NEO1: variants seen among roughly 807,000 people sequenced by gnomAD.
The protein encoded by NEO1 is neogenin 1.
NEO1 carries 63 observed loss-of-function variants against 159.7 expected under a neutral mutation model. The observed-to-expected ratio is 0.39, with a 90% CI of 0.32 to 0.49. The LOEUF (loss-of-function observed/expected upper bound fraction) is 0.49. Ranked by LOEUF, NEO1 falls within the 20% of genes least tolerant of loss-of-function variation. The pLI, the probability that NEO1 is intolerant of heterozygous loss-of-function variation, is 0.85. For synonymous variants in NEO1, 633 were observed against 662.0 expected (o/e 0.96, Z 0.67); for missense variants, 1,615 against 1,831.0 (o/e 0.88, Z 2.15).
intron 7 of NEO1, among the ~76,000 whole-genome samples, chr15:73,205,591 A>G (rs1314851389): frequency 6.6e-6 from 1 of 152,134 alleles, no homozygotes; most frequent in Non-Finnish European, 1.5e-5. Context: ...CATTCTCACA[A>G]TAGTCCACAC....
intron 5 of NEO1, among the ~76,000 whole-genome samples, chr15:73,140,830 C>T (rs1465067653): frequency 6.6e-6 from 1 of 152,142 alleles, no homozygotes; most frequent in Non-Finnish European, 1.5e-5. Flanking sequence ...AGAAGCCAGA[C>T]ACAAAAGAAT....
intron 2 of NEO1, 127 bp downstream of exon 2, chr15:73,116,984 AATTGT>A (rs2071362886): frequency 2.7e-6 from 2 of 733,990 alleles, no homozygotes; most frequent in African/African-American, 3.6e-5. Context: ...AACAGATATC[AATTGT>A]GCATATACTC....
At position 73,302,550 on chromosome 15, in the gene NEO1, T is replaced by C. The variant is rs923835538; in HGVS notation, c.4303-63T>C. Reference sequence around the variant, plus strand: ...ACCACATGAGGCTTTGGCCTCTCTCTGGGCTCTCCTTTCTGAGCTGCTCCC... The same window carrying C: ...ACCACATGAGGCTTTGGCCTCTCTCCGGGCTCTCCTTTCTGAGCTGCTCCC... On this transcript the variant is annotated intron_variant, in intron 28 of 28. Coordinates refer to ENST00000261908, the MANE Select transcript of NEO1 (RefSeq NM_002499.4). 5.4e-6 allele frequency: 8 copies of C among 1,494,202 alleles called. No homozygotes were observed. In the Admixed American group the frequency reaches 9.1e-5, roughly 17 times the overall value. 92.6% of individuals were successfully genotyped at this position (1,494,202 alleles called of 1,614,324 possible). A position where few individuals can be genotyped will look rare whatever the true frequency, so the allele number is the denominator to read the frequency against.
At chr15:73,241,868 T>C (rs548892557) in intron 8 of NEO1, among the ~76,000 whole-genome samples, 2 of 152,352 alleles carry the variant, frequency 1.3e-5, no homozygotes, top group South Asian at 4.1e-4. Context: ...AAATTTGATG[T>C]GGGTATTAGT....
chr15:73,081,051 T>G (rs2069019836), intron 1 of NEO1, among the ~76,000 whole-genome samples: 1 of 152,184 alleles, frequency 6.6e-6, no homozygotes, highest in Non-Finnish European at 1.5e-5. Flanking sequence ...GATTAAAGTC[T>G]TTATCTTATT....
At chr15:73,244,557 C>G in intron 9 of NEO1, 59 bp downstream of exon 9, 1 of 1,569,130 alleles carries the variant, frequency 6.4e-7, no homozygotes. Flanking sequence ...GAAGTTCTAC[C>G]TTTGTTTAGC....
intron 7 of NEO1, among the ~76,000 whole-genome samples, chr15:73,231,184 C>T (rs1328551122): frequency 6.6e-6 from 1 of 152,196 alleles, no homozygotes; most frequent in Non-Finnish European, 1.5e-5. Context: ...TTAAATAACG[C>T]TGTCAACCAG....
At chr15:73,091,392 T>C (rs753738455) in intron 1 of NEO1, among the ~76,000 whole-genome samples, 1 of 152,160 alleles carries the variant, frequency 6.6e-6, no homozygotes, top group Non-Finnish European at 1.5e-5. Flanking sequence ...ACTTTTTTTT[T>C]CCAATCGGGT....
intron 1 of NEO1, among the ~76,000 whole-genome samples, chr15:73,062,805 A>G (rs745777881): frequency 1.3e-5 from 2 of 152,210 alleles, no homozygotes; most frequent in Non-Finnish European, 2.9e-5. Flanking sequence ...TCCATTTTGG[A>G]CACCTTGAGT....
intron 19 of NEO1, among the ~76,000 whole-genome samples, chr15:73,273,318 G>A (rs2151047662): frequency 6.6e-6 from 1 of 152,296 alleles, no homozygotes; most frequent in South Asian, 2.1e-4. Flanking sequence ...GTGTTTCTTA[G>A]CACTGTCCTG....
chr15:73,124,614 C>G (rs545037868), intron 3 of NEO1, among the ~76,000 whole-genome samples: 1 of 152,294 alleles, frequency 6.6e-6, no homozygotes, highest in Admixed American at 6.5e-5. Flanking sequence ...CCTCAGATAC[C>G]TGCCTGGGTC....
chr15:73,195,840 T>TA, intron 7 of NEO1, among the ~76,000 whole-genome samples: 1 of 152,322 alleles, frequency 6.6e-6, no homozygotes, highest in South Asian at 2.1e-4. Flanking sequence ...ATAGTTTTGT[T>TA]AAAAATCTCA....
intron 6 of NEO1, 97 bp downstream of exon 6, chr15:73,176,654 G>T: frequency 1.2e-6 from 1 of 835,344 alleles, no homozygotes. Flanking sequence ...ATACTAGTTT[G>T]TGTACTGCAA....
chr15:73,137,997 ATAAT>A lies in NEO1; in HGVS notation c.1015+1974_1015+1977del, dbSNP rs563985021. Among the ~76,000 whole-genome samples, 118 of 152,350 alleles carry A rather than the reference ATAAT, an allele frequency of 7.7e-4. 1 individual carries two copies. The highest frequency in any genetic ancestry group is 2.7e-3 in the African/African-American group (114 of 41,574). ...AAGGAAGAGGGAAATATTTGAAGAA[ATAAT>A]TAAGATAAATTTTTCAGAATTAGAC... On this transcript the variant is annotated intron_variant, in intron 5 of 28. Transcript: ENST00000261908.
chr15:73,125,275 G>A (rs2030039363), intron 3 of NEO1, among the ~76,000 whole-genome samples: 2 of 152,204 alleles, frequency 1.3e-5, no homozygotes, highest in South Asian at 4.1e-4. Context: ...AAGAGACAGA[G>A]GTGGATTAAT....
intron 23 of NEO1, among the ~76,000 whole-genome samples, chr15:73,287,377 A>G (rs141701762): frequency 1.3e-5 from 2 of 152,360 alleles, no homozygotes; most frequent in East Asian, 3.9e-4. Context: ...AGAACATTTT[A>G]AAATAATAGT....
chr15:73,188,086 T>C (rs760707504), intron 7 of NEO1, among the ~76,000 whole-genome samples: 87 of 152,128 alleles, frequency 5.7e-4, no homozygotes, highest in Non-Finnish European at 8.8e-4. Context: ...AATTCTCCTG[T>C]GAAAGGAATT....
At chr15:73,116,477 A>T (rs989373825) in intron 1 of NEO1, 63 bp from the exon 2 acceptor site, 3 of 1,404,418 alleles carry the variant, frequency 2.1e-6, no homozygotes, top group Non-Finnish European at 2.8e-6. Context: ...TTAGTAATAT[A>T]TTTTCTGACA....
At position 73,302,790 on chromosome 15, in the gene NEO1, C is replaced by A; in HGVS notation, c.*94C>A. On this transcript the variant is annotated 3_prime_UTR_variant, in exon 29 of 29. Coordinates refer to ENST00000261908, the MANE Select transcript of NEO1 (RefSeq NM_002499.4). ...AATTGTACAGAGTACGAGAGGACAG[C>A]ACTTGAGAACACAGAATGAGCCAGC... 1 of 1,139,788 alleles carries A rather than the reference C, an allele frequency of 8.8e-7. No homozygotes were observed. Among genetic ancestry groups the A allele is most frequent in the Non-Finnish European group, 1.3e-6 (1 of 777,374 alleles). 70.6% of individuals were successfully genotyped at this position (1,139,788 alleles called of 1,614,324 possible).
Sources: gnomAD v4.1 joint callset for allele counts (sites outside exome capture counted in the v4.1 genomes callset) on GRCh38, gnomAD v4.1.1 for gene constraint, MANE v1.5 for transcripts, NCBI Gene and HGNC (gene_info 2026-07-23, HGNC 2026-07-21) for gene names.